The following FRG1 variants were observed in gnomAD, a reference collection of about 807,000 sequenced individuals.
FRG1 encodes FSHD region gene 1.
A neutral mutation model predicts 37.0 loss-of-function variants in FRG1; 19 were observed. That is an observed-to-expected ratio of 0.51 (90% CI 0.36 to 0.75). FRG1 has a LOEUF of 0.75. Ranked by LOEUF, FRG1 falls within the 30% of genes least tolerant of loss-of-function variation. The probability of loss-of-function intolerance (pLI) is 0.00; values close to 1 mark genes in which losing one functional copy is unlikely to be tolerated. For missense variants in FRG1, 243 were observed against 301.4 expected, an observed-to-expected ratio of 0.81 and a Z score of 1.44; for synonymous variants, 73 against 96.5, an observed-to-expected ratio of 0.76 and a Z score of 1.43.
In FRG1 at chr4:189,961,868, G is replaced by A. The variant is rs531160609; in HGVS notation, c.676G>A (p.Glu226Lys). 4.4e-6 allele frequency: 7 copies of A among 1,598,066 alleles called. No homozygotes were observed. The African/African-American group carries it at 9.4e-5, about 21-fold the overall frequency. Residue 226 changes from glutamate (E) to lysine (K), a missense_variant, in exon 8 of 9, where the codon GAA becomes AAA. Glu to Lys is a moderately conservative substitution (Grantham distance 56, BLOSUM62 1). Coordinates refer to ENST00000226798, the MANE Select transcript of FRG1 (RefSeq NM_004477.3). ...FQDHKLKISKEDSKILKKARK... is the reference protein window; with the variant it reads ...FQDHKLKISKKDSKILKKARK... Reference sequence around the variant, plus strand: ...AGACCACAAACTTAAAATAAGTAAAGAAGACAGTAAAATTCTTAAAAAGGC... The same window carrying A: ...AGACCACAAACTTAAAATAAGTAAAAAAGACAGTAAAATTCTTAAAAAGGC...
At chr4:189,962,605 C>T (rs1737284494) in intron 8 of FRG1, among the ~76,000 whole-genome samples, 2 of 152,058 alleles carry the variant, frequency 1.3e-5, no homozygotes, top group Admixed American at 1.3e-4. Flanking sequence ...TTACGTATTT[C>T]CTGTTAACTA....
chr4:189,950,565 T>A (rs1365829941), intron 2 of FRG1, among the ~76,000 whole-genome samples: 1 of 152,224 alleles, frequency 6.6e-6, no homozygotes, highest in Non-Finnish European at 1.5e-5. Context: ...AGGGTCCAAC[T>A]TCATTTTAGC....
intron 5 of FRG1, among the ~76,000 whole-genome samples, chr4:189,956,499 A>G (rs994848176): frequency 6.6e-6 from 1 of 152,200 alleles, no homozygotes. Flanking sequence ...AACTATTGCA[A>G]AAGGGACTCA....
chr4:189,944,545 A>G (rs891702081), intron 2 of FRG1, among the ~76,000 whole-genome samples: 17 of 152,110 alleles, frequency 1.1e-4, no homozygotes, highest in Admixed American at 1.1e-3. Flanking sequence ...TTTAGTTTTT[A>G]CATTAAATCT....
intron 7 of FRG1, chr4:189,961,123 A>G (rs549542859): frequency 4.5e-5 from 11 of 245,142 alleles, no homozygotes; most frequent in African/African-American, 2.5e-4. Context: ...AGGACAGAGC[A>G]CTGAGCTAAA....
rs765530698 is a variant in FRG1 at position 189,955,045 on chromosome 4, T to A, written c.326T>A (p.Leu109Gln). 6.2e-7 allele frequency: 1 copy of A among 1,607,898 alleles called. No individual in the cohort carries two copies. Among genetic ancestry groups the A allele is most frequent in the South Asian group, 1.1e-5 (1 of 90,934 alleles). Residue 109 changes from leucine to glutamine, a missense_variant, in exon 5 of 9, where the codon CTG (leucine) becomes CAG (glutamine). Transcript: ENST00000226798. Reference sequence around the variant, plus strand: ...ATGTTATTAATGTACAGAATCGCCCTGAAGTCTGGCTATGGAAAATATCTT... The same window carrying A: ...ATGTTATTAATGTACAGAATCGCCCAGAAGTCTGGCTATGGAAAATATCTT... Reference protein sequence around the residue: ...AVKLSDSRIALKSGYGKYLGI... With the variant: ...AVKLSDSRIAQKSGYGKYLGI...
At chr4:189,956,027 A>G (rs1579638198) in intron 5 of FRG1, among the ~76,000 whole-genome samples, 1 of 152,182 alleles carries the variant, frequency 6.6e-6, no homozygotes, top group South Asian at 2.1e-4. Context: ...CTAGGATAAA[A>G]TCTTAACTCA....
chr4:189,959,067 CATAAAA>C (rs1447070229), intron 6 of FRG1, among the ~76,000 whole-genome samples: 1 of 152,154 alleles, frequency 6.6e-6, no homozygotes, highest in Non-Finnish European at 1.5e-5. Context: ...ATAATTAGAG[CATAAAA>C]ATTTATGTTA....
At position 189,952,254 on chromosome 4, in the gene FRG1, G is replaced by T; in HGVS notation, c.226G>T (p.Gly76Cys). ...KGTYIHALDN[G>C]LFTLGAPHKE... is the part of the protein sequence containing the mutation. ...AACCTATATACATGCACTCGACAAT[G>T]GTCTTTTTACCCTGGGAGCTCCACA... Residue 76 changes from glycine to cysteine, a missense_variant, in exon 3 of 9, where the codon GGT (glycine) becomes TGT (cysteine). Physicochemically the swap from Gly to Cys is radical, Grantham distance 159 (BLOSUM62 -3). Around this residue, in one of 2 missense-constraint regions of FRG1, gnomAD observed 110 missense variants for 102.2 expected, o/e 1.08. Coordinates refer to ENST00000226798, the MANE Select transcript of FRG1 (RefSeq NM_004477.3). 6.2e-7 allele frequency: 1 copy of T among 1,610,722 alleles called. No individual in the cohort carries two copies. The highest frequency in any genetic ancestry group is 8.5e-7 in the Non-Finnish European group (1 of 1,179,012).
chr4:189,941,671 CG>C (rs1736307830), intron 1 of FRG1, among the ~76,000 whole-genome samples: 1 of 152,234 alleles, frequency 6.6e-6, no homozygotes, highest in South Asian at 2.1e-4. Context: ...TACTTTCAGA[CG>C]TTTTTTATAC....
At chr4:189,960,587 G>C (rs1291279813) in intron 6 of FRG1, among the ~76,000 whole-genome samples, 161 bp from the exon 7 acceptor site, 1 of 152,220 alleles carries the variant, frequency 6.6e-6, no homozygotes, top group South Asian at 2.1e-4. Context: ...TTATATATAT[G>C]AAGTAAAAAC....
chr4:189,942,978 A>G lies in FRG1; in HGVS notation c.63-224A>G, dbSNP rs150985176. Among the ~76,000 whole-genome samples the G allele has an allele frequency of 4.1e-3, 632 of 152,336 alleles. 4 individuals are homozygous for G. Among genetic ancestry groups the G allele is most frequent in the African/African-American group, 0.015 (605 of 41,580 alleles). On this transcript the variant is annotated intron_variant, in intron 1 of 8. Transcript: ENST00000226798. ...AGAAGTGAAAGAATCAGGATTTAAA[A>G]TCTGGCAGTGTGGCTCTACAATCTG... is the stretch of plus-strand genomic sequence containing the variant.
chr4:189,961,552 C>T (rs1236321378), intron 7 of FRG1: 23 of 219,394 alleles, frequency 1.0e-4, no homozygotes, highest in Non-Finnish European at 1.8e-4. Flanking sequence ...GGACTACAGG[C>T]GCGTGCCACT....
intron 4 of FRG1, among the ~76,000 whole-genome samples, chr4:189,953,669 A>T (rs1334570496): frequency 6.6e-6 from 1 of 152,116 alleles, no homozygotes; most frequent in East Asian, 1.9e-4. Context: ...CAATATGATA[A>T]TGATTTCTGT....
chr4:189,960,611 C>T (rs909635297), intron 6 of FRG1, 137 bp from the exon 7 acceptor site: 10 of 1,017,434 alleles, frequency 9.8e-6, no homozygotes, highest in Middle Eastern at 6.7e-4. Flanking sequence ...TAGCCAGAAC[C>T]TTTTTCTGAA....
chr4:189,942,958 T>G (rs1736381021), intron 1 of FRG1, among the ~76,000 whole-genome samples: 1 of 152,178 alleles, frequency 6.6e-6, no homozygotes, highest in Non-Finnish European at 1.5e-5. Flanking sequence ...AGCTAAGAAG[T>G]GAAAGAATCA....
intron 4 of FRG1, 137 bp from the exon 5 acceptor site, chr4:189,954,900 C>T (rs886636788): frequency 1.7e-6 from 1 of 580,768 alleles, no homozygotes; most frequent in African/African-American, 1.9e-5. Flanking sequence ...CCACATGCAG[C>T]TTTTGAAGAC....
At chr4:189,947,444 T>A (rs865861484) in intron 2 of FRG1, among the ~76,000 whole-genome samples, 25 of 152,354 alleles carry the variant, frequency 1.6e-4, no homozygotes, top group African/African-American at 6.0e-4. Flanking sequence ...TGACCACCCT[T>A]TTGCTCCTGT....
At chr4:189,957,088 A>G (rs1253097741) in intron 5 of FRG1, among the ~76,000 whole-genome samples, 2 of 152,182 alleles carry the variant, frequency 1.3e-5, no homozygotes, top group African/African-American at 2.4e-5. Context: ...TTAATTTTTC[A>G]AACTGAACTA....
Sources: gnomAD v4.1 joint callset for allele counts (sites outside exome capture counted in the v4.1 genomes callset) on GRCh38, gnomAD v4.1.1 for gene constraint, gnomAD v4.1.1 regional missense constraint, MANE v1.5 for transcripts, NCBI Gene and HGNC (gene_info 2026-07-23, HGNC 2026-07-21) for gene names.